The following BTN2A2 variants were observed in gnomAD, a reference collection of about 807,000 sequenced individuals.
The protein encoded by BTN2A2 is butyrophilin subfamily 2 member A2, also known as butyrophilin 2.
Under a neutral mutation model 34.7 loss-of-function variants are expected in BTN2A2, and 29 were observed. That is an observed-to-expected ratio of 0.84 (90% confidence interval 0.62 to 1.14). BTN2A2 has a LOEUF of 1.14. Among genes scored for constraint, BTN2A2 ranks in the 50% most tolerant of loss-of-function variants. The pLI is 0.00. For synonymous variants in BTN2A2, 240 were observed against 253.1 expected (o/e 0.95, Z 0.49); for missense variants, 612 against 651.5 (o/e 0.94, Z 0.66).
chr6:26,388,982 C>T (rs1473515695), intron 4 of BTN2A2, among the ~76,000 whole-genome samples: 3 of 151,920 alleles, frequency 2.0e-5, no homozygotes, highest in Non-Finnish European at 4.4e-5. Context: ...TAGCCGAGTG[C>T]GGTAGCAGGC....
chr6:26,391,106 C>G (rs550225952), intron 7 of BTN2A2: 2 of 572,250 alleles, frequency 3.5e-6, no homozygotes, highest in Non-Finnish European at 6.3e-6. Flanking sequence ...TGCATAGTAG[C>G]CTCCTAAGAG....
rs555925050 is a variant in BTN2A2, at chr6:26,385,302, C to T, written c.382C>T (p.Arg128Cys). The change falls in exon 3 of 8, where the codon CGC (arginine) becomes TGC (cysteine). Residue 128 changes from arginine (R) to cysteine (C), a missense_variant. Physicochemically the swap from Arg to Cys is radical, Grantham distance 180. Transcript: ENST00000356709. ...CACAGCCCAGGAGAATGGGATCTAC[C>T]GCTGTTACTTCCAAGAAGGCAGGTC... ...NVTAQENGIY[R>C]CYFQEGRSYD... 84 of 1,614,160 alleles carry T rather than the reference C, an allele frequency of 5.2e-5. No individual in the cohort carries two copies. In the South Asian group the frequency reaches 6.0e-4, roughly 12 times the overall value.
rs957462753 is a variant in BTN2A2 at position 26,393,307 on chromosome 6, A to C, written c.*340A>C. On this transcript the variant is annotated 3_prime_UTR_variant, in exon 8 of 8. Transcript: ENST00000356709. ...ATAACCACATTAAGCCCAATATGCC[A>C]GTTGGCACCAGATGCTGTGGACTTG... 33 of 1,268,662 alleles carry C rather than the reference A, an allele frequency of 2.6e-5. No homozygotes were observed. The highest frequency in any genetic ancestry group is 6.5e-4 in the Middle Eastern group (2 of 3,092). The allele number at this position is 1,268,662 out of a possible 1,614,324, so 78.6% of individuals were successfully genotyped here.
In BTN2A2 at chr6:26,383,557, G is replaced by A. The variant is rs1760993628; in HGVS notation, c.-30-235G>A. Reference sequence around the variant, plus strand: ...GGACAACTGAAGAAACCGGACTGTGGCCCGAGAAGTGGGAAGAGGAAGGAG... The same window carrying A: ...GGACAACTGAAGAAACCGGACTGTGACCCGAGAAGTGGGAAGAGGAAGGAG... On this transcript the variant is annotated intron_variant, in intron 1 of 7. Coordinates refer to ENST00000356709, the MANE Select transcript of BTN2A2 (RefSeq NM_006995.5). The surrounding 1 kb of genome is among the most constrained non-coding windows in gnomAD (Gnocchi z 4.4). 1 of 450,250 alleles carries A rather than the reference G, an allele frequency of 2.2e-6. No homozygotes were observed. The highest frequency in any genetic ancestry group is 4.0e-6 in the Non-Finnish European group (1 of 251,452). 27.9% of individuals were successfully genotyped at this position (450,250 alleles called of 1,614,324 possible).
chr6:26,386,621 A>G (rs1761219423), intron 3 of BTN2A2, among the ~76,000 whole-genome samples: 1 of 152,214 alleles, frequency 6.6e-6, no homozygotes, highest in Non-Finnish European at 1.5e-5. Flanking sequence ...TGTATGTGGC[A>G]GGGACCCACT....
Position 26,393,889 on chromosome 6 carries a change from T to C in BTN2A2, c.*922T>C, listed in dbSNP as rs1761748254. The C allele has an allele frequency of 2.2e-6, 1 of 447,616 alleles. No homozygotes were observed. Among genetic ancestry groups the C allele is most frequent in the Non-Finnish European group, 3.0e-6 (1 of 336,822 alleles). The allele number at this position is 447,616 out of a possible 1,614,324, so 27.7% of individuals were successfully genotyped here. ...AAAAATTTAAAATGTTATCTTTTAA[T>C]TTATGTTAAAATAGCATTAATAAAT... On this transcript the variant is annotated 3_prime_UTR_variant, in exon 8 of 8. Coordinates refer to ENST00000356709, the MANE Select transcript of BTN2A2 (RefSeq NM_006995.5).
rs570390747 is a variant in BTN2A2 at position 26,391,929 on chromosome 6, A to G, written c.980-446A>G. On this transcript the variant is annotated intron_variant, in intron 7 of 7. Transcript: ENST00000356709. ...CCTTCACCACCTAGGACAGTGTGTA[A>G]TGATAGACTCACTTAATTGATCCAT... 320 of 437,392 alleles carry G rather than the reference A, an allele frequency of 7.3e-4. 2 individuals are homozygous for G. The highest frequency in any genetic ancestry group is 2.6e-3 in the Middle Eastern group (4 of 1,514). 27.1% of individuals were successfully genotyped at this position (437,392 alleles called of 1,614,324 possible).
Position 26,390,684 on chromosome 6 carries a change from C to T in BTN2A2, c.932-3C>T, listed in dbSNP as rs377607368. 1,286 of 1,614,096 alleles carry T rather than the reference C, an allele frequency of 8.0e-4. 1 individual carries two copies. Among genetic ancestry groups the T allele is most frequent in the Non-Finnish European group, 1.0e-3 (1,216 of 1,180,036 alleles). On this transcript the variant is annotated splice_region_variant and splice_polypyrimidine_tract_variant and intron_variant, in intron 5 of 7. Coordinates refer to ENST00000356709, the MANE Select transcript of BTN2A2 (RefSeq NM_006995.5). ...TGATTTTGTTTCTGTATTTTGTTTT[C>T]AGAGCAACTTCAAGAAGAATTGCGT...
At chr6:26,390,978 T>C in intron 7 of BTN2A2, 149 bp downstream of exon 7, 1 of 1,189,312 alleles carries the variant, frequency 8.4e-7, no homozygotes, top group Middle Eastern at 2.9e-4. Flanking sequence ...CCAGCAATGA[T>C]GCATCATGGC....
rs1761023897 is a variant in BTN2A2 at position 26,383,965 on chromosome 6, A to G, written c.94+50A>G. The G allele has an allele frequency of 6.4e-7, 1 of 1,567,522 alleles. No individual in the cohort carries two copies. The highest frequency in any genetic ancestry group is 1.4e-5 in the African/African-American group (1 of 73,732). On this transcript the variant is annotated intron_variant, in intron 2 of 7. Coordinates refer to ENST00000356709, the MANE Select transcript of BTN2A2 (RefSeq NM_006995.5). This position sits in a 1 kb window ranked among gnomAD's most constrained non-coding sequence, Gnocchi z 4.4. ...TGTCACCTCTCAGAAAGGAACATCA[A>G]CCCTGTAGTCTGCAAAGGGAAAGAA... is the stretch of plus-strand genomic sequence containing the variant.
At chr6:26,392,310 C>T (rs1234436908) in intron 7 of BTN2A2, 65 bp from the exon 8 acceptor site, 5 of 1,612,296 alleles carry the variant, frequency 3.1e-6, no homozygotes, top group Admixed American at 1.7e-5. Context: ...TCTCTGGGGA[C>T]CAGGAACCAC....
intron 5 of BTN2A2, 29 bp from the exon 6 acceptor site, chr6:26,390,658 A>G (rs1297067306): frequency 1.2e-6 from 2 of 1,614,174 alleles, no homozygotes; most frequent in Non-Finnish European, 1.7e-6. Flanking sequence ...TGTTGAAGAC[A>G]TGATTTTGTT....
At chr6:26,388,394 G>T in intron 4 of BTN2A2, 100 bp downstream of exon 4, 3 of 1,416,220 alleles carry the variant, frequency 2.1e-6, no homozygotes, top group Middle Eastern at 1.9e-4. Flanking sequence ...TGGGTGGAAT[G>T]GTCCTGGGCC....
chr6:26,385,830 G>A (rs918869095), intron 3 of BTN2A2, among the ~76,000 whole-genome samples: 44 of 152,296 alleles, frequency 2.9e-4, no homozygotes, highest in South Asian at 2.1e-4. Context: ...GATTACAGGC[G>A]TGCGCCACCA....
At position 26,383,869 on chromosome 6, in the gene BTN2A2, C is replaced by T. The variant is rs1180579788; in HGVS notation, c.48C>T (p.Leu16=). The T allele has an allele frequency of 3.7e-6, 6 of 1,614,024 alleles. No homozygotes were observed. In the African/African-American group the frequency reaches 6.7e-5, roughly 18 times the overall value. The change falls in exon 2 of 8, where the codon CTC becomes CTT. Residue 16 remains leucine (L), a synonymous_variant. Coordinates refer to ENST00000356709, the MANE Select transcript of BTN2A2 (RefSeq NM_006995.5). The surrounding 1 kb of genome is among the most constrained non-coding windows in gnomAD (Gnocchi z 4.4). ...ALHFSLPASL[L]LLLLLLLLSL... ...ACTTCTCCCTGCCAGCCTCCCTCCTCCTCCTCCTGCTCCTCCTCCTTCTCA... is the reference window on the plus strand; with the variant it reads ...ACTTCTCCCTGCCAGCCTCCCTCCTTCTCCTCCTGCTCCTCCTCCTTCTCA...
Position 26,393,142 on chromosome 6 carries a change from C to T in BTN2A2, c.*175C>T. ...CTCTGCCCCAGTTTTCTCCTCCTCA[C>T]TAGTCTGTGGCTTTAGTAGTTCCTT... On this transcript the variant is annotated 3_prime_UTR_variant, in exon 8 of 8. Coordinates refer to ENST00000356709, the MANE Select transcript of BTN2A2 (RefSeq NM_006995.5). 1.2e-6 allele frequency: 2 copies of T among 1,602,268 alleles called. No homozygotes were observed. Among genetic ancestry groups the T allele is most frequent in the South Asian group, 1.1e-5 (1 of 88,452 alleles).
In BTN2A2 at chr6:26,384,034, T is replaced by C; in HGVS notation, c.94+119T>C. On this transcript the variant is annotated intron_variant, in intron 2 of 7. Transcript: ENST00000356709. This position sits in a 1 kb window ranked among gnomAD's most constrained non-coding sequence, Gnocchi z 4.0. ...TTGACTTATCCTTTCATTCTGAACATGTTCACTGAATTTATACCAGCACTG... is the reference window on the plus strand; with the variant it reads ...TTGACTTATCCTTTCATTCTGAACACGTTCACTGAATTTATACCAGCACTG... 8.4e-7 allele frequency: 1 copy of C among 1,190,514 alleles called. No individual in the cohort carries two copies. The highest frequency in any genetic ancestry group is 2.5e-5 in the East Asian group (1 of 40,638). 73.7% of individuals were successfully genotyped at this position (1,190,514 alleles called of 1,614,324 possible).
At position 26,393,305 on chromosome 6, in the gene BTN2A2, C is replaced by T; in HGVS notation, c.*338C>T. 7.9e-7 allele frequency: 1 copy of T among 1,268,036 alleles called. No individual in the cohort carries two copies. The highest frequency in any genetic ancestry group is 1.0e-6 in the Non-Finnish European group (1 of 992,604). 78.5% of individuals were successfully genotyped at this position (1,268,036 alleles called of 1,614,324 possible). A position where few individuals can be genotyped will look rare whatever the true frequency, so the allele number is the denominator to read the frequency against. The stretch of plus-strand genomic sequence containing the variant: ...GGATAACCACATTAAGCCCAATATG[C>T]CAGTTGGCACCAGATGCTGTGGACT... On this transcript the variant is annotated 3_prime_UTR_variant, in exon 8 of 8. Transcript: ENST00000356709.
At chr6:26,386,510 T>A (rs1761213142) in intron 3 of BTN2A2, among the ~76,000 whole-genome samples, 1 of 152,188 alleles carries the variant, frequency 6.6e-6, no homozygotes, top group Admixed American at 6.5e-5. Context: ...AAGGCAACCT[T>A]ACATCTGATT....
Sources: gnomAD v4.1 joint callset for allele counts (sites outside exome capture counted in the v4.1 genomes callset) on GRCh38, gnomAD v4.1.1 for gene constraint, Gnocchi (gnomAD v3.1) non-coding constraint, MANE v1.5 for transcripts, NCBI Gene and HGNC (gene_info 2026-07-23, HGNC 2026-07-21) for gene names.